Variants in SPAG16 observed in about 807,000 individuals in gnomAD.
The protein encoded by SPAG16 is sperm-associated antigen 16 protein.
Under a neutral mutation model 80.4 loss-of-function variants are expected in SPAG16, and 86 were observed. That is an observed-to-expected ratio of 1.07 (90% CI 0.90 to 1.28). The LOEUF (loss-of-function observed/expected upper bound fraction) is 1.28. Ranked by LOEUF, SPAG16 falls within the 50% of genes most tolerant of loss-of-function variation. The pLI, the probability that SPAG16 is intolerant of heterozygous loss-of-function variation, is 0.00. For missense variants in SPAG16, 870 were observed against 765.3 expected (o/e 1.14, Z -1.61); for synonymous variants, 294 against 265.9 (o/e 1.11, Z -1.03).
intron 10 of SPAG16, among the ~76,000 whole-genome samples, chr2:213,779,057 C>T (rs1289329626): frequency 6.6e-6 from 1 of 152,166 alleles, no homozygotes; most frequent in East Asian, 1.9e-4. Context: ...ACTAAACCTG[C>T]ACAAATGCCT....
At chr2:213,346,787 T>C (rs1295879163) in intron 6 of SPAG16, among the ~76,000 whole-genome samples, 1 of 152,112 alleles carries the variant, frequency 6.6e-6, no homozygotes, top group East Asian at 1.9e-4. Flanking sequence ...TTTGCCAGTA[T>C]TTTATTGAGG....
intron 10 of SPAG16, among the ~76,000 whole-genome samples, chr2:213,669,729 A>C (rs1325135994): frequency 6.6e-6 from 1 of 152,138 alleles, no homozygotes; most frequent in African/African-American, 2.4e-5. Context: ...AAGAAAACTG[A>C]ATTTCTTAAC....
At chr2:213,323,706 C>T (rs534143408) in intron 5 of SPAG16, among the ~76,000 whole-genome samples, 1 of 152,164 alleles carries the variant, frequency 6.6e-6, no homozygotes, top group Admixed American at 6.5e-5. Context: ...TTCACAACAG[C>T]CAAATTATAG....
At position 214,222,596 on chromosome 2, in the gene SPAG16, AT is replaced by A. The variant is rs375824036; in HGVS notation, c.1720+73338del. 5.9e-5 allele frequency among the ~76,000 whole-genome samples: 9 copies of A among 152,110 alleles called. No homozygotes were observed. The East Asian group carries it at 1.5e-3, about 26-fold the overall frequency. ...GATCAAATAAATGGCTTTTGCTTTA[AT>A]TTTTTTTACACTTCATGACATAGTT... On this transcript the variant is annotated intron_variant, in intron 15 of 15. Transcript: ENST00000331683.
At chr2:213,556,244 C>T (rs935215057) in intron 10 of SPAG16, among the ~76,000 whole-genome samples, 1 of 120,816 alleles carries the variant, frequency 8.3e-6, no homozygotes, top group Non-Finnish European at 1.6e-5. Context: ...TAATGATCCT[C>T]AATATAAATG....
At chr2:214,094,514 G>C (rs2052449454) in intron 13 of SPAG16, among the ~76,000 whole-genome samples, 1 of 151,964 alleles carries the variant, frequency 6.6e-6, no homozygotes. Context: ...TTTCTGCTTG[G>C]TTCTTAGGCA....
intron 1 of SPAG16, among the ~76,000 whole-genome samples, chr2:213,291,508 A>G (rs1325329289): frequency 2.0e-5 from 3 of 152,164 alleles, no homozygotes; most frequent in African/African-American, 7.2e-5. Flanking sequence ...TTGTCCCATC[A>G]GTCTCTTGCC....
At chr2:213,479,094 CTTTTTTTT>C (rs148476714) in intron 9 of SPAG16, among the ~76,000 whole-genome samples, 1 of 94,330 alleles carries the variant, frequency 1.1e-5, no homozygotes, top group Non-Finnish European at 1.9e-5. Flanking sequence ...CACTGGCTTC[CTTTTTTTT>C]TTTTTTTTTT....
intron 15 of SPAG16, among the ~76,000 whole-genome samples, chr2:214,206,193 T>C (rs1422430951): frequency 6.6e-6 from 1 of 152,022 alleles, no homozygotes. Context: ...AATATATATA[T>C]ATTGATATCT....
At chr2:213,872,911 G>A (rs1172832775) in intron 11 of SPAG16, among the ~76,000 whole-genome samples, 1 of 151,986 alleles carries the variant, frequency 6.6e-6, no homozygotes, top group Non-Finnish European at 1.5e-5. Context: ...AACCAACCTT[G>A]CATTCCTGAA....
At chr2:214,143,138 A>AC (rs2055448470) in intron 14 of SPAG16, among the ~76,000 whole-genome samples, 2 of 151,702 alleles carry the variant, frequency 1.3e-5, no homozygotes, top group Non-Finnish European at 2.9e-5. Flanking sequence ...TTTCTTTTTT[A>AC]ACTGTGTGAA....
chr2:214,068,588 A>G (rs1431561273), intron 13 of SPAG16, among the ~76,000 whole-genome samples: 1 of 152,210 alleles, frequency 6.6e-6, no homozygotes, highest in Non-Finnish European at 1.5e-5. Context: ...AAAAATTATC[A>G]AACTGTCCCT....
intron 15 of SPAG16, among the ~76,000 whole-genome samples, chr2:214,336,890 T>C (rs1697327091): frequency 2.0e-5 from 1 of 51,254 alleles, no homozygotes; most frequent in African/African-American, 3.5e-5. Flanking sequence ...ATGTTAGATA[T>C]TAATTTTCTA....
At chr2:214,066,075 C>T (rs994667712) in intron 13 of SPAG16, among the ~76,000 whole-genome samples, 3 of 152,198 alleles carry the variant, frequency 2.0e-5, no homozygotes, top group African/African-American at 4.8e-5. Context: ...TTGTTGACCA[C>T]TTCTTCCCAC....
intron 9 of SPAG16, among the ~76,000 whole-genome samples, chr2:213,467,921 C>T (rs1484311064): frequency 6.6e-6 from 1 of 152,140 alleles, no homozygotes; most frequent in African/African-American, 2.4e-5. Context: ...GGTTTTTAAG[C>T]CTGCAAGGCA....
chr2:213,640,730 T>C (rs2062554762), intron 10 of SPAG16, among the ~76,000 whole-genome samples: 1 of 152,232 alleles, frequency 6.6e-6, no homozygotes. Flanking sequence ...CTGGGTATGC[T>C]AGCAGTAAAG....
At chr2:213,316,465 A>G (rs1401034851) in intron 4 of SPAG16, among the ~76,000 whole-genome samples, 1 of 152,098 alleles carries the variant, frequency 6.6e-6, no homozygotes, top group Non-Finnish European at 1.5e-5. Context: ...CCTTTAAAAC[A>G]TAAATCTGGT....
At chr2:213,860,357 ATATATATGTGTG>A (rs2075371141) in intron 10 of SPAG16, among the ~76,000 whole-genome samples, 3 of 144,706 alleles carry the variant, frequency 2.1e-5, no homozygotes, top group Admixed American at 7.0e-5. Context: ...ATATATATAT[ATATATATGTGTG>A]TGTGTGTATA....
chr2:214,004,564 G>A (rs1308975955), intron 12 of SPAG16, among the ~76,000 whole-genome samples: 1 of 152,030 alleles, frequency 6.6e-6, no homozygotes, highest in Non-Finnish European at 1.5e-5. Flanking sequence ...AAAAGGTGTC[G>A]GGGCTTATCA....
Sources: gnomAD v4.1 joint callset for allele counts (sites outside exome capture counted in the v4.1 genomes callset) on GRCh38, gnomAD v4.1.1 for gene constraint, MANE v1.5 for transcripts, NCBI Gene and HGNC (gene_info 2026-07-23, HGNC 2026-07-21) for gene names.